Variants in PRR5 observed in about 807,000 individuals in gnomAD.
PRR5 encodes the protein proline-rich protein 5.
A neutral mutation model predicts 30.6 loss-of-function variants in PRR5; 25 were observed. The observed-to-expected ratio is 0.82, with a 90% CI of 0.60 to 1.14. The LOEUF (loss-of-function observed/expected upper bound fraction) is 1.14, where lower values mean the gene tolerates loss of function less well. Ranked by LOEUF, PRR5 falls within the 50% of genes most tolerant of loss-of-function variation. PRR5 has a pLI of 0.00. For missense variants in PRR5, 600 were observed against 547.1 expected (o/e 1.10, Z -0.96); for synonymous variants, 286 against 247.1 (o/e 1.16, Z -1.48).
chr22:44,708,800 C>A (rs1455473016), intron 1 of PRR5, among the ~76,000 whole-genome samples: 2 of 152,000 alleles, frequency 1.3e-5, no homozygotes, highest in South Asian at 2.1e-4. Context: ...AACCCCGTCT[C>A]TACTAAAAAT....
At chr22:44,727,436 C>T (rs1921044487) in intron 4 of PRR5, among the ~76,000 whole-genome samples, 1 of 152,216 alleles carries the variant, frequency 6.6e-6, no homozygotes, top group Admixed American at 6.5e-5. Flanking sequence ...AGCACCTGTG[C>T]ACTAGGCACC....
rs548482191 is a variant in PRR5, at chr22:44,678,203, C to T, written c.-11+963C>T. On this transcript the variant is annotated intron_variant, in intron 1 of 8. Coordinates refer to the PRR5 transcript ENST00000006251. ...TTGTTGCACCCGCTCACCACCTGCC[C>T]GGACATGCAGTCTGTTCCTGCTCAC... is the stretch of plus-strand genomic sequence containing the variant. Among the ~76,000 whole-genome samples, 39 of 152,218 alleles carry T rather than the reference C, an allele frequency of 2.6e-4. 1 individual carries two copies. The highest frequency in any genetic ancestry group is 7.9e-4 in the African/African-American group (33 of 41,542).
In PRR5 at chr22:44,702,470, T is replaced by G. The variant is rs1926479447; in HGVS notation, c.-5T>G. 1 of 1,387,102 alleles carries G rather than the reference T, an allele frequency of 7.2e-7. No homozygotes were observed. 85.9% of individuals were successfully genotyped at this position (1,387,102 alleles called of 1,614,324 possible). On this transcript the variant is annotated 5_prime_UTR_variant, in exon 1 of 8. Coordinates refer to ENST00000336985, the MANE Select transcript of PRR5 (RefSeq NM_181333.4). Reference sequence around the variant, plus strand: ...GTGGGCGCGGCGCAGGCGGCCCGGGTCACCATGAGGACTCTCCGCAGGTTG... The same window carrying G: ...GTGGGCGCGGCGCAGGCGGCCCGGGGCACCATGAGGACTCTCCGCAGGTTG...
In PRR5 at chr22:44,735,398, C is replaced by T. The variant is rs573957099; in HGVS notation, c.691+236C>T. 2.6e-5 allele frequency among the ~76,000 whole-genome samples: 4 copies of T among 152,340 alleles called. No homozygotes were observed. The South Asian group carries it at 8.3e-4, about 32-fold the overall frequency. On this transcript the variant is annotated intron_variant, in intron 7 of 7. Transcript: ENST00000336985. Reference sequence around the variant, plus strand: ...CACCTTGGAGAGCTCCACCAGACCTCCGTGTTCCCCAGGAGGCCACATTCA... The same window carrying T: ...CACCTTGGAGAGCTCCACCAGACCTTCGTGTTCCCCAGGAGGCCACATTCA...
At chr22:44,714,411 G>T (rs965408935) in intron 1 of PRR5, among the ~76,000 whole-genome samples, 180 bp from the exon 2 acceptor site, 4 of 152,312 alleles carry the variant, frequency 2.6e-5, no homozygotes, top group Non-Finnish European at 4.4e-5. Flanking sequence ...ATACAGGCTG[G>T]GCTCCAGCAG....
At chr22:44,715,572 G>A (rs1928932931) in intron 2 of PRR5, among the ~76,000 whole-genome samples, 1 of 152,102 alleles carries the variant, frequency 6.6e-6, no homozygotes, top group South Asian at 2.1e-4. Context: ...CCCTGGGTGG[G>A]GCTCTGGGAG....
At chr22:44,711,359 C>T (rs1217504717) in intron 1 of PRR5, among the ~76,000 whole-genome samples, 1 of 152,064 alleles carries the variant, frequency 6.6e-6, no homozygotes, top group Non-Finnish European at 1.5e-5. Flanking sequence ...GGCCCCGGGG[C>T]AGAAAGAAGC....
At chr22:44,732,201 G>T in intron 5 of PRR5, 50 bp from the exon 6 acceptor site, 2 of 1,595,116 alleles carry the variant, frequency 1.3e-6, no homozygotes, top group Non-Finnish European at 8.5e-7. Flanking sequence ...GAGGGGAGAT[G>T]AGGACGCATG....
intron 1 of PRR5, among the ~76,000 whole-genome samples, chr22:44,682,605 G>C (rs1924396500): frequency 6.6e-6 from 1 of 152,214 alleles, no homozygotes; most frequent in Non-Finnish European, 1.5e-5. Flanking sequence ...GCCAAGGTCA[G>C]ATTTGAATCC....
intron 1 of PRR5, among the ~76,000 whole-genome samples, chr22:44,682,823 G>A (rs904211719): frequency 3.3e-5 from 5 of 152,194 alleles, no homozygotes; most frequent in Admixed American, 3.3e-4. Context: ...GGCCGCCCAA[G>A]GCCTCTCTGA....
intron 6 of PRR5, 152 bp from the exon 7 acceptor site, chr22:44,734,875 C>G: frequency 2.7e-6 from 3 of 1,105,226 alleles, no homozygotes; most frequent in Non-Finnish European, 3.9e-6. Context: ...GGGAGGCCAC[C>G]GTGGGCCCTG....
chr22:44,737,487 A>G lies in PRR5; in HGVS notation c.*240A>G. The G allele has an allele frequency of 1.3e-6, 1 of 784,806 alleles. No individual in the cohort carries two copies. Among genetic ancestry groups the G allele is most frequent in the Non-Finnish European group, 1.9e-6 (1 of 537,370 alleles). 48.6% of individuals were successfully genotyped at this position (784,806 alleles called of 1,614,324 possible). A position where few individuals can be genotyped will look rare whatever the true frequency, so the allele number is the denominator to read the frequency against. On this transcript the variant is annotated 3_prime_UTR_variant, in exon 8 of 8. Transcript: ENST00000336985. The stretch of plus-strand genomic sequence containing the variant: ...CGTTTACCCAGGGGCCGGGCCAGAG[A>G]CGGGGGTCGGCCGCTCGCTCCCACG...
intron 1 of PRR5, among the ~76,000 whole-genome samples, chr22:44,696,793 G>A (rs1420584583): frequency 6.6e-6 from 1 of 151,796 alleles, no homozygotes; most frequent in African/African-American, 2.4e-5. Context: ...CTAGAGTGCA[G>A]TGGCACGATC....
At position 44,731,811 on chromosome 22, in the gene PRR5, A is replaced by G. The variant is rs1274701337; in HGVS notation, c.404A>G (p.Tyr135Cys). 6 of 1,613,040 alleles carry G rather than the reference A, an allele frequency of 3.7e-6. No individual in the cohort carries two copies. Among genetic ancestry groups the G allele is most frequent in the Non-Finnish European group, 8.5e-7 (1 of 1,179,930 alleles). ...CTGCCCATGCTGCAGGCCATCTTCT[A>G]CCCGGTGCAGGTGGGCAGCCCAGCC... ...DVLPMLQAIFYPVQGKEPSVR... is the reference protein window; with the variant it reads ...DVLPMLQAIFCPVQGKEPSVR... Residue 135 changes from tyrosine to cysteine, a missense_variant, in exon 5 of 8, where the codon TAC (tyrosine) becomes TGC (cysteine). Physicochemically the swap from Tyr to Cys is radical, Grantham distance 194. Transcript: ENST00000336985.
At chr22:44,697,936 G>A (rs1925911985), upstream of PRR5, among the ~76,000 whole-genome samples, 1 of 152,196 alleles carries the variant, frequency 6.6e-6, no homozygotes, top group African/African-American at 2.4e-5. Context: ...GCCCCTTCAG[G>A]GGTATGCTGT....
Position 44,702,552 on chromosome 22 carries a change from C to G in PRR5, c.78C>G (p.Ala26=), listed in dbSNP as rs1926495209. 1 of 1,443,556 alleles carries G rather than the reference C, an allele frequency of 6.9e-7. No individual in the cohort carries two copies. The highest frequency in any genetic ancestry group is 9.1e-7 in the Non-Finnish European group (1 of 1,097,268). 89.4% of individuals were successfully genotyped at this position (1,443,556 alleles called of 1,614,324 possible). A position where few individuals can be genotyped will look rare whatever the true frequency, so the allele number is the denominator to read the frequency against. The change falls in exon 1 of 8, where the codon GCC becomes GCG. Residue 26 remains alanine (A), a synonymous_variant. Coordinates refer to ENST00000336985, the MANE Select transcript of PRR5 (RefSeq NM_181333.4). The part of the protein sequence containing the change: ...SDLGKREPAA[A]ADERGTQQRR... ...TGGGCAAGAGAGAGCCGGCCGCCGC[C>G]GCGGACGAGCGGGGCACGCAGCAGC...
At chr22:44,683,015 C>G (rs1329510848) in intron 1 of PRR5, among the ~76,000 whole-genome samples, 2 of 152,130 alleles carry the variant, frequency 1.3e-5, no homozygotes, top group African/African-American at 4.8e-5. Context: ...GAAGATCATC[C>G]CAAAATAAGT....
intron 6 of PRR5, among the ~76,000 whole-genome samples, chr22:44,732,794 A>G (rs1039770267): frequency 2.7e-5 from 3 of 110,416 alleles, no homozygotes; most frequent in East Asian, 7.3e-4. Flanking sequence ...CACATACTAC[A>G]TGTGCACACG....
chr22:44,732,417 G>A (rs1468399045), intron 6 of PRR5, 26 bp downstream of exon 6: 10 of 1,591,590 alleles, frequency 6.3e-6, no homozygotes, highest in Non-Finnish European at 7.7e-6. Context: ...AGAGGGTCGG[G>A]CATGGGGACC....
Sources: allele counts gnomAD v4.1 joint callset (sites outside exome capture counted in the v4.1 genomes callset), GRCh38; gene constraint gnomAD v4.1.1; transcripts MANE v1.5; gene names NCBI Gene and HGNC (gene_info 2026-07-23, HGNC 2026-07-21).